Variants in GRIK4 observed in about 807,000 individuals in gnomAD.
GRIK4 encodes the protein glutamate ionotropic receptor kainate type subunit 4.
A neutral mutation model predicts 104.9 loss-of-function variants in GRIK4; 40 were observed. That is an observed-to-expected ratio of 0.38 (90% CI 0.30 to 0.50). The LOEUF (loss-of-function observed/expected upper bound fraction) is 0.50. GRIK4 is among the 20% of genes least tolerant of loss of function. The pLI is 0.93. For missense variants in GRIK4, 1,047 were observed against 1,308.1 expected, an observed-to-expected ratio of 0.80 and a Z score of 3.08; for synonymous variants, 485 against 524.9, an observed-to-expected ratio of 0.92 and a Z score of 1.04.
chr11:120,935,075 C>T lies in GRIK4; in HGVS notation c.1477-5272C>T, dbSNP rs185430388. ...CAATACTGCTGACCGCCATCATCCACTTAAGCAAAGTGGGGACCACTCATG... is the reference window on the plus strand; with the variant it reads ...CAATACTGCTGACCGCCATCATCCATTTAAGCAAAGTGGGGACCACTCATG... On this transcript the variant is annotated intron_variant, in intron 13 of 20. Coordinates refer to ENST00000527524, the MANE Select transcript of GRIK4 (RefSeq NM_014619.5). 2.8e-4 allele frequency among the ~76,000 whole-genome samples: 42 copies of T among 152,354 alleles called. No individual in the cohort carries two copies. The East Asian group carries it at 6.4e-3, about 23-fold the overall frequency.
At chr11:120,632,249 C>G (rs1298427534) in intron 1 of GRIK4, among the ~76,000 whole-genome samples, 1 of 152,188 alleles carries the variant, frequency 6.6e-6, no homozygotes, top group Non-Finnish European at 1.5e-5. Context: ...TGGAAGACAG[C>G]CTTCACCAGA....
At chr11:120,814,795 T>C (rs188479138) in intron 4 of GRIK4, among the ~76,000 whole-genome samples, 175 of 152,272 alleles carry the variant, frequency 1.1e-3, no homozygotes, top group Admixed American at 2.3e-3. Context: ...GACGGGGGCA[T>C]TGACAGATGA....
intron 8 of GRIK4, among the ~76,000 whole-genome samples, chr11:120,854,485 G>A (rs187860115): frequency 1.3e-5 from 2 of 152,192 alleles, no homozygotes; most frequent in East Asian, 3.9e-4. Context: ...GTTGCCTGTG[G>A]CCCTGCTGGG....
intron 3 of GRIK4, among the ~76,000 whole-genome samples, chr11:120,684,868 C>T (rs1280790718): frequency 1.3e-5 from 2 of 152,196 alleles, no homozygotes; most frequent in Non-Finnish European, 2.9e-5. Context: ...CGCCACCGCG[C>T]CCGGCTAATT....
intron 3 of GRIK4, among the ~76,000 whole-genome samples, chr11:120,799,944 T>C (rs949097162): frequency 4.0e-5 from 6 of 151,872 alleles, no homozygotes; most frequent in Non-Finnish European, 8.8e-5. Context: ...ACCTCCCGGG[T>C]TCAAGCAATT....
At chr11:120,887,464 G>A (rs899103033) in intron 11 of GRIK4, among the ~76,000 whole-genome samples, 5 of 152,186 alleles carry the variant, frequency 3.3e-5, no homozygotes, top group Non-Finnish European at 1.5e-5. Context: ...AGCATTTTCA[G>A]GAATTCCTGT....
intron 8 of GRIK4, among the ~76,000 whole-genome samples, chr11:120,861,689 A>G (rs112801804): frequency 0.023 from 3,476 of 152,246 alleles, 131 homozygotes; most frequent in African/African-American, 0.078. Flanking sequence ...CACTAGGCAC[A>G]TGGCTTTTTT....
At chr11:120,744,737 A>AG (rs1280374542) in intron 3 of GRIK4, among the ~76,000 whole-genome samples, 8 of 152,224 alleles carry the variant, frequency 5.3e-5, no homozygotes, top group African/African-American at 1.9e-4. Flanking sequence ...AAAAAGCAAC[A>AG]GTTCTATGTA....
At chr11:120,687,189 T>C (rs893774073) in intron 3 of GRIK4, among the ~76,000 whole-genome samples, 5 of 152,222 alleles carry the variant, frequency 3.3e-5, no homozygotes, top group Admixed American at 2.6e-4. Flanking sequence ...TTGACAGATA[T>C]GGAAACCAAG....
chr11:120,698,715 G>C (rs1298024909), intron 3 of GRIK4, among the ~76,000 whole-genome samples: 1 of 152,144 alleles, frequency 6.6e-6, no homozygotes, highest in Non-Finnish European at 1.5e-5. Flanking sequence ...AGTTCCTGCT[G>C]CCTCCCTGCC....
intron 3 of GRIK4, among the ~76,000 whole-genome samples, chr11:120,771,432 G>A (rs1951940272): frequency 6.6e-6 from 1 of 152,224 alleles, no homozygotes; most frequent in Non-Finnish European, 1.5e-5. Context: ...ATATATGACT[G>A]AGGAAATTTC....
At chr11:120,847,508 T>C (rs1953878753) in intron 8 of GRIK4, among the ~76,000 whole-genome samples, 1 of 152,164 alleles carries the variant, frequency 6.6e-6, no homozygotes, top group Admixed American at 6.5e-5. Context: ...CAAAGGGCCT[T>C]GGAGAATCAA....
intron 9 of GRIK4, among the ~76,000 whole-genome samples, chr11:120,864,946 G>A (rs986952890): frequency 1.3e-5 from 2 of 152,198 alleles, no homozygotes; most frequent in Non-Finnish European, 2.9e-5. Context: ...CGTAACCCCC[G>A]TGGGCCGCAG....
At chr11:120,746,186 G>A (rs969458236) in intron 3 of GRIK4, among the ~76,000 whole-genome samples, 2 of 152,292 alleles carry the variant, frequency 1.3e-5, no homozygotes, top group South Asian at 4.1e-4. Flanking sequence ...GCTGACCAAA[G>A]TATTCCTTCC....
Position 120,513,802 on chromosome 11 carries a change from TG to T in GRIK4, c.-159+1916del, listed in dbSNP as rs1947689396. Among the ~76,000 whole-genome samples, 2 of 152,048 alleles carry T rather than the reference TG, an allele frequency of 1.3e-5. No homozygotes were observed. The highest frequency in any genetic ancestry group is 4.2e-4 in the South Asian group (2 of 4,818). On this transcript the variant is annotated intron_variant, in intron 1 of 20. Coordinates refer to ENST00000527524, the MANE Select transcript of GRIK4 (RefSeq NM_014619.5). The surrounding 1 kb of genome is among the most constrained non-coding windows in gnomAD (Gnocchi z 4.5). The stretch of plus-strand genomic sequence containing the variant: ...GAGGTGGATGCTCGGGAGGGGAGGT[TG>T]AGAGGGGATCTTGGTTTTCTGTGTT...
chr11:120,753,297 C>G (rs918056123), intron 3 of GRIK4, among the ~76,000 whole-genome samples: 25 of 130,278 alleles, frequency 1.9e-4, no homozygotes, highest in Middle Eastern at 3.8e-3. Context: ...CAACACAACT[C>G]TGTGTGTGTG....
At chr11:120,539,388 C>G (rs1331683379) in intron 1 of GRIK4, among the ~76,000 whole-genome samples, 1 of 152,208 alleles carries the variant, frequency 6.6e-6, no homozygotes, top group African/African-American at 2.4e-5. Context: ...ATGTTCGTAT[C>G]CACTTCGTAA....
At chr11:120,548,352 G>A (rs781599038) in intron 1 of GRIK4, among the ~76,000 whole-genome samples, 12 of 152,040 alleles carry the variant, frequency 7.9e-5, no homozygotes, top group East Asian at 3.9e-4. Flanking sequence ...GCTCACTTAC[G>A]AAGTAGATTG....
chr11:120,538,628 C>A (rs1948002713), intron 1 of GRIK4, among the ~76,000 whole-genome samples: 1 of 152,224 alleles, frequency 6.6e-6, no homozygotes, highest in African/African-American at 2.4e-5. Context: ...CCTTCTCTGC[C>A]TGAAGTGCAG....
Sources: gnomAD v4.1 joint callset for allele counts (sites outside exome capture counted in the v4.1 genomes callset) on GRCh38, gnomAD v4.1.1 for gene constraint, Gnocchi (gnomAD v3.1) non-coding constraint, MANE v1.5 for transcripts, NCBI Gene and HGNC (gene_info 2026-07-23, HGNC 2026-07-21) for gene names.